The following NRAP variants were observed in gnomAD, a reference collection of about 807,000 sequenced individuals.
NRAP encodes nebulin related anchoring protein.
A neutral mutation model predicts 225.9 loss-of-function variants in NRAP; 189 were observed. That is an observed-to-expected ratio of 0.84 (90% CI 0.74 to 0.94). NRAP has a LOEUF of 0.94. Among genes scored for constraint, NRAP ranks in the 40% least tolerant of loss-of-function variants. The pLI is 0.00. For synonymous variants in NRAP, 769 were observed against 790.7 expected (o/e 0.97, Z 0.46); for missense variants, 2,176 against 2,168.7 (o/e 1.00, Z -0.07).
chr10:113,638,006 G>A (rs1848978019), intron 14 of NRAP, among the ~76,000 whole-genome samples: 1 of 152,070 alleles, frequency 6.6e-6, no homozygotes, highest in African/African-American at 2.4e-5. Flanking sequence ...TTGGACATGG[G>A]GTGTGTAGAG....
intron 15 of NRAP, 82 bp downstream of exon 15, chr10:113,634,030 T>A: frequency 2.3e-6 from 2 of 852,192 alleles, no homozygotes; most frequent in Non-Finnish European, 4.0e-6. Flanking sequence ...GAAAGTCAAA[T>A]CCTTGGAGGT....
chr10:113,631,720 T>A, intron 17 of NRAP, 110 bp from the exon 18 acceptor site: 1 of 899,222 alleles, frequency 1.1e-6, no homozygotes, highest in East Asian at 2.4e-5. Flanking sequence ...CACCTCCCAG[T>A]CTTTCACAAA....
At chr10:113,602,031 G>A (rs948755817) in intron 35 of NRAP, among the ~76,000 whole-genome samples, 2 of 152,122 alleles carry the variant, frequency 1.3e-5, no homozygotes, top group Admixed American at 1.3e-4. Context: ...GACTACAGGT[G>A]TGCACCACCA....
chr10:113,616,482 G>GT (rs1250464644), intron 26 of NRAP, among the ~76,000 whole-genome samples: 2 of 152,192 alleles, frequency 1.3e-5, no homozygotes, highest in African/African-American at 4.8e-5. Context: ...AACAGGTATT[G>GT]TTTTTCTTCA....
Position 113,635,642 on chromosome 10 carries a change from G to T in NRAP, c.1429-1432C>A, listed in dbSNP as rs191155345. Among the ~76,000 whole-genome samples the T allele has an allele frequency of 1.1e-4, 16 of 152,200 alleles. No individual in the cohort carries two copies. In the East Asian group the frequency reaches 3.1e-3, roughly 29 times the overall value. ...AGGGTTTCCCCGTGTTGGCCAGGCT[G>T]GTCTGGAACCCTTGGCCTCAAGGGA... On this transcript the variant is annotated intron_variant, in intron 14 of 41. Transcript: ENST00000359988.
intron 11 of NRAP, among the ~76,000 whole-genome samples, chr10:113,643,948 G>C (rs1345685100): frequency 2.0e-5 from 3 of 151,846 alleles, no homozygotes; most frequent in Non-Finnish European, 4.4e-5. Context: ...TTCAAGACCA[G>C]CCTGGCCAGC....
At chr10:113,626,460 A>C (rs1440695495) in intron 20 of NRAP, among the ~76,000 whole-genome samples, 2 of 152,180 alleles carry the variant, frequency 1.3e-5, no homozygotes, top group African/African-American at 4.8e-5. Flanking sequence ...GGTGGAGGAA[A>C]CTTGGACTTT....
Position 113,622,021 on chromosome 10 carries a change from C to T in NRAP, c.2617G>A (p.Val873Ile), listed in dbSNP as rs374475095. ...GFEDTKSQCH[V>I]SLDMVHLVHA... Reference sequence around the variant, plus strand: ...ACGAGGTGGACCATGTCCAGGGAGACGTGGCATTGGGATTTGGTGTCCTCG... The same window carrying T: ...ACGAGGTGGACCATGTCCAGGGAGATGTGGCATTGGGATTTGGTGTCCTCG... Residue 873 changes from valine (V) to isoleucine (I), a missense_variant, in exon 24 of 42, where the codon GTC (valine) becomes ATC (isoleucine). Val to Ile is a conservative substitution (Grantham distance 29). Transcript: ENST00000359988. 60 of 1,614,186 alleles carry T rather than the reference C, an allele frequency of 3.7e-5. 1 individual carries two copies. The highest frequency in any genetic ancestry group is 1.1e-4 in the South Asian group (10 of 91,072).
intron 20 of NRAP, among the ~76,000 whole-genome samples, chr10:113,628,075 C>T (rs1024721352): frequency 1.6e-4 from 24 of 152,216 alleles, no homozygotes; most frequent in South Asian, 2.1e-4. Context: ...GTCCTTCAAA[C>T]GTCCTCCTCT....
At position 113,645,817 on chromosome 10, in the gene NRAP, A is replaced by G; in HGVS notation, c.1110+8T>C. 7.1e-7 allele frequency: 1 copy of G among 1,417,176 alleles called. No homozygotes were observed. The highest frequency in any genetic ancestry group is 9.9e-7 in the Non-Finnish European group (1 of 1,005,482). The allele number at this position is 1,417,176 out of a possible 1,614,324, so 87.8% of individuals were successfully genotyped here. ...TGCTCATGGGTGTGACTCTTCCCCCATACGCACCTCACTCACGAGTTTGTT... is the reference window on the plus strand; with the variant it reads ...TGCTCATGGGTGTGACTCTTCCCCCGTACGCACCTCACTCACGAGTTTGTT... On this transcript the variant is annotated splice_region_variant and intron_variant, in intron 11 of 41. Coordinates refer to ENST00000359988, the MANE Select transcript of NRAP (RefSeq NM_198060.4).
intron 37 of NRAP, among the ~76,000 whole-genome samples, chr10:113,595,995 C>A (rs1338818554): frequency 2.6e-5 from 4 of 152,220 alleles, no homozygotes; most frequent in Non-Finnish European, 5.9e-5. Context: ...AAACCAACAT[C>A]ATGGTTGGCC....
chr10:113,618,694 C>T (rs1847809570), intron 25 of NRAP, among the ~76,000 whole-genome samples: 2 of 152,206 alleles, frequency 1.3e-5, no homozygotes, highest in African/African-American at 4.8e-5. Flanking sequence ...CGCCTGTAGC[C>T]CAGCACTTTG....
intron 37 of NRAP, 64 bp from the exon 38 acceptor site, chr10:113,595,791 C>T: frequency 1.8e-6 from 2 of 1,095,460 alleles, no homozygotes; most frequent in Admixed American, 1.7e-5. Context: ...AGGGGAATAG[C>T]AACTGACTCC....
chr10:113,633,367 G>T (rs1199354900), intron 15 of NRAP, among the ~76,000 whole-genome samples, 179 bp from the exon 16 acceptor site: 1 of 152,180 alleles, frequency 6.6e-6, no homozygotes, highest in African/African-American at 2.4e-5. Flanking sequence ...GGTGTCAAAT[G>T]AAAACTAAAG....
At chr10:113,657,432 C>T (rs1291105788) in intron 4 of NRAP, 38 bp downstream of exon 4, 3 of 1,024,380 alleles carry the variant, frequency 2.9e-6, no homozygotes, top group Non-Finnish European at 3.1e-6. Context: ...GTATGTCATT[C>T]TTTCTTTTTC....
rs1016085333 is a variant in NRAP, at chr10:113,631,602, A to G, written c.1749T>C (p.Tyr583=). The G allele has an allele frequency of 1.2e-5, 20 of 1,600,876 alleles. No individual in the cohort carries two copies. The highest frequency in any genetic ancestry group is 1.6e-5 in the Non-Finnish European group (19 of 1,168,834). ...ASGELASNIK[Y]KEEYEKTKGK... ...CTTTTGTCTTTTCATATTCTTCTTT[A>G]TATTTAATCTTGAGAGAAAGAAGAA... Residue 583 remains tyrosine (Y), a synonymous_variant, in exon 18 of 42, where the codon TAT becomes TAC. Transcript: ENST00000359988.
rs1302891778 is a variant in NRAP at position 113,640,274 on chromosome 10, G to T, written c.1381C>A (p.Leu461Ile). 1 of 1,605,076 alleles carries T rather than the reference G, an allele frequency of 6.2e-7. No homozygotes were observed. Among genetic ancestry groups the T allele is most frequent in the East Asian group, 2.3e-5 (1 of 43,728 alleles). Residue 461 changes from leucine (L) to isoleucine (I), a missense_variant, in exon 14 of 42, where the codon CTC (leucine) becomes ATC (isoleucine). Leu to Ile is a conservative substitution (Grantham distance 5). Around this residue, in one of 3 missense-constraint regions of NRAP, gnomAD observed 1,708 missense variants for 1,695.5 expected, o/e 1.01. Transcript: ENST00000359988. ...DIVDYNYPAT[L>I]TPSYQTAMKL... ...ATAGCTGTTTGATAGGAAGGCGTGA[G>T]AGTGGCTGGGTAGTTGTAGTCGACA...
chr10:113,619,483 T>C (rs1847866866), intron 25 of NRAP, among the ~76,000 whole-genome samples: 1 of 152,142 alleles, frequency 6.6e-6, no homozygotes, highest in East Asian at 1.9e-4. Flanking sequence ...AGGCCACTTT[T>C]TGAAGTCAAC....
chr10:113,625,029 C>T, intron 21 of NRAP, 99 bp from the exon 22 acceptor site: 1 of 725,834 alleles, frequency 1.4e-6, no homozygotes, highest in South Asian at 1.6e-5. Context: ...ACTTCTCTGA[C>T]TTGCACAGAA....
Sources: allele counts gnomAD v4.1 joint callset (sites outside exome capture counted in the v4.1 genomes callset), GRCh38; gene constraint gnomAD v4.1.1; regional missense constraint gnomAD v4.1.1; transcripts MANE v1.5; gene names NCBI Gene and HGNC (gene_info 2026-07-23, HGNC 2026-07-21).